The following ASAP1 variants were observed in gnomAD, a reference collection of about 807,000 sequenced individuals.
ASAP1 encodes the protein ArfGAP with SH3 domain, ankyrin repeat and PH domain 1, also known as arf-GAP with SH3 domain, ANK repeat and PH domain-containing protein 1.
In ASAP1, 43 loss-of-function variants were observed where a neutral mutation model predicts 145.2. That is an observed-to-expected ratio of 0.30 (90% confidence interval 0.23 to 0.38). The LOEUF is 0.38. Ranked by LOEUF, ASAP1 falls within the 10% of genes least tolerant of loss-of-function variation. The pLI, the probability that ASAP1 is intolerant of heterozygous loss-of-function variation, is 1.00. For missense variants in ASAP1, 1,018 were observed against 1,355.3 expected, an observed-to-expected ratio of 0.75 and a Z score of 3.91; for synonymous variants, 546 against 515.5, an observed-to-expected ratio of 1.06 and a Z score of -0.80.
In ASAP1 at chr8:130,174,310, G is replaced by C. The variant is rs1321009924; in HGVS notation, c.746+4954C>G. 2.0e-5 allele frequency among the ~76,000 whole-genome samples: 3 copies of C among 152,314 alleles called. No individual in the cohort carries two copies. The East Asian group carries it at 5.8e-4, about 29-fold the overall frequency. On this transcript the variant is annotated intron_variant, in intron 9 of 29. Coordinates refer to ENST00000518721, the MANE Select transcript of ASAP1 (RefSeq NM_018482.4). ...TTGTTAGCTGGAAAGTGAAGCACAT[G>C]TGTGAGTTCTGACTACCTATCACTA...
chr8:130,312,402 A>C (rs1335272571), intron 3 of ASAP1, among the ~76,000 whole-genome samples: 1 of 152,142 alleles, frequency 6.6e-6, no homozygotes, highest in Non-Finnish European at 1.5e-5. Context: ...AAACCAGACG[A>C]GAGCTAAATC....
Position 130,283,345 on chromosome 8 carries a change from C to T in ASAP1, c.187-46351G>A, listed in dbSNP as rs529204237. ...CCTGTAATCCCAGCACTTTGGGAGG[C>T]TGAGGCGGGTGGATCACGAGGTCAA... On this transcript the variant is annotated intron_variant, in intron 3 of 29. Coordinates refer to ENST00000518721, the MANE Select transcript of ASAP1 (RefSeq NM_018482.4). 2.6e-5 allele frequency among the ~76,000 whole-genome samples: 4 copies of T among 152,190 alleles called. No homozygotes were observed. The South Asian group carries it at 8.3e-4, about 32-fold the overall frequency.
chr8:130,187,227 A>T lies in ASAP1; in HGVS notation c.530+9T>A. 2 of 1,598,650 alleles carry T rather than the reference A, an allele frequency of 1.3e-6. No homozygotes were observed. The highest frequency in any genetic ancestry group is 1.7e-6 in the Non-Finnish European group (2 of 1,175,702). ...AACAAACAAAAACTCTAAACAAAAA[A>T]CCACTTACAACTTTGTCTCATAATC... On this transcript the variant is annotated intron_variant, in intron 7 of 29. Transcript: ENST00000518721.
chr8:130,120,811 T>C (rs2097564582), intron 18 of ASAP1, among the ~76,000 whole-genome samples: 1 of 152,190 alleles, frequency 6.6e-6, no homozygotes, highest in Non-Finnish European at 1.5e-5. Flanking sequence ...GCCTTCAACT[T>C]TTTATGGGCA....
intron 18 of ASAP1, among the ~76,000 whole-genome samples, chr8:130,123,205 C>T (rs1181338197): frequency 6.6e-6 from 1 of 152,080 alleles, no homozygotes; most frequent in Non-Finnish European, 1.5e-5. Context: ...AGTGGGACTG[C>T]TGAGTCAAAG....
intron 2 of ASAP1, among the ~76,000 whole-genome samples, chr8:130,365,314 G>T (rs1826900367): frequency 6.6e-6 from 1 of 152,164 alleles, no homozygotes; most frequent in African/African-American, 2.4e-5. Context: ...TCTTCTCTAG[G>T]AAAGCACTGC....
At chr8:130,068,454 T>C (rs1024997345) in intron 27 of ASAP1, among the ~76,000 whole-genome samples, 5 of 152,218 alleles carry the variant, frequency 3.3e-5, no homozygotes, top group African/African-American at 9.6e-5. Flanking sequence ...GCGAAAGAAC[T>C]GTTTCATTCT....
chr8:130,308,276 C>T (rs1199117892), intron 3 of ASAP1, among the ~76,000 whole-genome samples: 1 of 152,158 alleles, frequency 6.6e-6, no homozygotes, highest in African/African-American at 2.4e-5. Flanking sequence ...ATTCTCAACT[C>T]CAAACTCGAA....
intron 3 of ASAP1, among the ~76,000 whole-genome samples, chr8:130,290,858 T>C (rs1225652818): frequency 6.6e-6 from 1 of 152,216 alleles, no homozygotes; most frequent in Non-Finnish European, 1.5e-5. Flanking sequence ...CTTGCTTTGA[T>C]ATGCTTTAAA....
intron 2 of ASAP1, among the ~76,000 whole-genome samples, chr8:130,383,660 G>A (rs1205355502): frequency 1.3e-5 from 2 of 152,222 alleles, no homozygotes; most frequent in East Asian, 1.9e-4. Context: ...GGAGATGTTA[G>A]ATGGGGGATA....
At chr8:130,140,037 GT>G (rs113185605) in intron 13 of ASAP1, among the ~76,000 whole-genome samples, 27,575 of 138,390 alleles carry the variant, frequency 0.2, 2,374 homozygotes, top group South Asian at 0.33. Context: ...TCTCCTTTTT[GT>G]TTTTTTTTTT....
At chr8:130,356,080 A>T (rs960320358) in intron 3 of ASAP1, among the ~76,000 whole-genome samples, 3 of 135,510 alleles carry the variant, frequency 2.2e-5, no homozygotes, top group East Asian at 2.1e-4. Flanking sequence ...TATTTCTCAT[A>T]AAAAAAAATA....
intron 1 of ASAP1, among the ~76,000 whole-genome samples, chr8:130,426,401 A>G (rs1301976431): frequency 9.3e-5 from 14 of 151,314 alleles, no homozygotes; most frequent in Admixed American, 9.2e-4. Flanking sequence ...ATAAACTAAT[A>G]CACTGGTTAG....
chr8:130,162,744 G>C lies in ASAP1; in HGVS notation c.910-2780C>G, dbSNP rs184641074. On this transcript the variant is annotated intron_variant, in intron 11 of 29. Coordinates refer to ENST00000518721, the MANE Select transcript of ASAP1 (RefSeq NM_018482.4). ...GAGGCAGAAGAATGGCGTGAACCCA[G>C]GAGGCGGGGCTTGCAGTGAACCGAG... Among the ~76,000 whole-genome samples, 1,195 of 151,986 alleles carry C rather than the reference G, an allele frequency of 7.9e-3. 7 individuals carry two copies. The highest frequency in any genetic ancestry group is 0.013 in the Non-Finnish European group (897 of 67,982).
intron 20 of ASAP1, among the ~76,000 whole-genome samples, chr8:130,117,325 T>C (rs542540650): frequency 1.3e-5 from 2 of 152,298 alleles, no homozygotes; most frequent in South Asian, 2.1e-4. Flanking sequence ...GAGGCTGAAG[T>C]GCTTGCTTTC....
At chr8:130,154,589 C>T (rs985315023) in intron 12 of ASAP1, among the ~76,000 whole-genome samples, 3 of 152,290 alleles carry the variant, frequency 2.0e-5, no homozygotes, top group South Asian at 4.1e-4. Flanking sequence ...CTTTCCCAGG[C>T]ATTTAAAACA....
chr8:130,403,143 A>G (rs1482582064), intron 1 of ASAP1, among the ~76,000 whole-genome samples: 1 of 152,132 alleles, frequency 6.6e-6, no homozygotes, highest in African/African-American at 2.4e-5. Flanking sequence ...ATGGATTTCT[A>G]AGATAAGGTC....
chr8:130,340,810 C>T (rs1199385601), intron 3 of ASAP1: 1 of 428,216 alleles, frequency 2.3e-6, no homozygotes, highest in African/African-American at 2.1e-5. Flanking sequence ...GAACTTAGCA[C>T]ACTACCAGGC....
intron 3 of ASAP1, among the ~76,000 whole-genome samples, chr8:130,255,709 C>A (rs1309044080): frequency 6.6e-6 from 1 of 152,056 alleles, no homozygotes. Context: ...TCAGCAAACA[C>A]GAATAGTATT....
Sources: gnomAD v4.1 joint callset for allele counts (sites outside exome capture counted in the v4.1 genomes callset) on GRCh38, gnomAD v4.1.1 for gene constraint, MANE v1.5 for transcripts, NCBI Gene and HGNC (gene_info 2026-07-23, HGNC 2026-07-21) for gene names.